The following RUFY3 variants were observed in gnomAD, a reference collection of about 807,000 sequenced individuals.
RUFY3 encodes protein RUFY3.
RUFY3 carries 34 observed loss-of-function variants against 84.0 expected under a neutral mutation model. The ratio of observed to expected loss-of-function variants is 0.40; its 90% CI spans 0.31 to 0.54. The LOEUF (loss-of-function observed/expected upper bound fraction) is 0.54, where lower values mean the gene tolerates loss of function less well. Ranked by LOEUF, RUFY3 falls within the 20% of genes least tolerant of loss-of-function variation. RUFY3 has a pLI of 0.39. For synonymous variants in RUFY3, 242 were observed against 252.9 expected (o/e 0.96, Z 0.41); for missense variants, 507 against 736.8 (o/e 0.69, Z 3.61).
Position 70,708,962 on chromosome 4 carries a change from G to A in RUFY3, c.358+3668G>A, listed in dbSNP as rs1740665681. Among the ~76,000 whole-genome samples, 8 of 152,334 alleles carry A rather than the reference G, an allele frequency of 5.3e-5. No individual in the cohort carries two copies. The South Asian group carries it at 1.7e-3, about 32-fold the overall frequency. On this transcript the variant is annotated intron_variant, in intron 1 of 11. Transcript: ENST00000417478. ...GGTGCCAACTACTCAGGAGTCTGAG[G>A]TGGGAGGATGGCATGAGTCTGGGAA...
At chr4:70,743,056 AT>A (rs1212598859) in intron 1 of RUFY3, among the ~76,000 whole-genome samples, 9 of 151,838 alleles carry the variant, frequency 5.9e-5, no homozygotes, top group Non-Finnish European at 1.2e-4. Flanking sequence ...AGCTGCTATT[AT>A]TATTATTATT....
upstream of RUFY3, chr4:70,704,221 A>C (rs1197072403): frequency 6.6e-6 from 1 of 152,262 alleles, no homozygotes; most frequent in Non-Finnish European, 1.5e-5. Flanking sequence ...GGATTTCAGT[A>C]CAGCGCACAA....
Position 70,806,409 on chromosome 4 carries a change from ATTGT to A in RUFY3, c.1720-103_1720-100del, listed in dbSNP as rs1732852811. ...CCTGGCACATAGTAAACATTCAGTC[ATTGT>A]TTGATTAGGCATTGAGCATTTGCCA... On this transcript the variant is annotated intron_variant, in intron 17 of 17. Transcript: ENST00000381006. 3.2e-6 allele frequency: 4 copies of A among 1,263,246 alleles called. 1 individual carries two copies. In the South Asian group the frequency reaches 5.4e-5, roughly 17 times the overall value. 78.3% of individuals were successfully genotyped at this position (1,263,246 alleles called of 1,614,324 possible).
chr4:70,789,986 G>T, intron 12 of RUFY3: 1 of 715,830 alleles, frequency 1.4e-6, no homozygotes, highest in Non-Finnish European at 1.7e-6. Flanking sequence ...GATGCTAGGG[G>T]ATATAGAGGC....
At chr4:70,720,478 C>G (rs980053094), upstream of RUFY3, among the ~76,000 whole-genome samples, 1 of 152,218 alleles carries the variant, frequency 6.6e-6, no homozygotes, top group East Asian at 1.9e-4. Context: ...GCCACCGCGC[C>G]CAGCCATCCG....
chr4:70,704,938 TG>T lies in RUFY3; in HGVS notation c.4del (p.Ala2?), dbSNP rs1577858387. 4.9e-6 allele frequency: 6 copies of T among 1,221,240 alleles called. No homozygotes were observed. The highest frequency in any genetic ancestry group is 6.1e-6 in the Non-Finnish European group (6 of 982,722). 75.7% of individuals were successfully genotyped at this position (1,221,240 alleles called of 1,614,324 possible). A position where few individuals can be genotyped will look rare whatever the true frequency, so the allele number is the denominator to read the frequency against. ...GCTGCGGCGAAGGAAGGAGTGAGCA[TG>T]GCTGAGACCCCGCCGCCGCCCACCG... On this transcript the variant is annotated frameshift_variant and start_lost, in exon 1 of 12. Transcript: ENST00000417478. LOFTEE classifies it high-confidence loss of function.
rs1290278624 is a variant in RUFY3, at chr4:70,788,839, A to G, written c.1105A>G (p.Met369Val). The G allele has an allele frequency of 1.9e-6, 3 of 1,614,012 alleles. No homozygotes were observed. The highest frequency in any genetic ancestry group is 2.7e-5 in the African/African-American group (2 of 74,934). ...VEKELEMQIS[M>V]RQEMELAMKM... ...GAAAGAACTGGAGATGCAGATCAGC[A>G]TGAGGCAGGAGATGGAATTGGCTAT... Residue 369 changes from methionine (M) to valine (V), a missense_variant, in exon 11 of 18, where the codon ATG becomes GTG. Coordinates refer to ENST00000381006, the MANE Select transcript of RUFY3 (RefSeq NM_001037442.4).
intron 1 of RUFY3, among the ~76,000 whole-genome samples, chr4:70,705,672 G>T (rs976193181): frequency 1.3e-5 from 2 of 152,318 alleles, no homozygotes; most frequent in East Asian, 3.9e-4. Context: ...CGGGTCCCGG[G>T]CTGGGAACCT....
intron 1 of RUFY3, among the ~76,000 whole-genome samples, chr4:70,744,696 C>T (rs1389380360): frequency 6.7e-6 from 1 of 150,154 alleles, no homozygotes; most frequent in Non-Finnish European, 1.5e-5. Flanking sequence ...CTCTTGTTGC[C>T]CAGGCTGGAG....
chr4:70,791,404 C>A, intron 12 of RUFY3: 4 of 1,452,432 alleles, frequency 2.8e-6, no homozygotes, highest in South Asian at 1.6e-5. Context: ...TAAAATGTCA[C>A]CAAAAAGTTG....
chr4:70,771,203 G>A (rs982894051), intron 5 of RUFY3, among the ~76,000 whole-genome samples: 1 of 152,072 alleles, frequency 6.6e-6, no homozygotes, highest in South Asian at 2.1e-4. Context: ...ACATGCTGTT[G>A]GAAAAATGGC....
intron 1 of RUFY3, among the ~76,000 whole-genome samples, chr4:70,716,277 C>G (rs1378382371): frequency 6.6e-6 from 1 of 151,924 alleles, no homozygotes; most frequent in African/African-American, 2.4e-5. Context: ...CCCTGAGTAG[C>G]TGGGATTACA....
chr4:70,744,537 G>C (rs1721860020), intron 1 of RUFY3, among the ~76,000 whole-genome samples: 1 of 152,082 alleles, frequency 6.6e-6, no homozygotes, highest in Non-Finnish European at 1.5e-5. Flanking sequence ...GTTAACACTG[G>C]CTTCTGGCCT....
intron 10 of RUFY3, among the ~76,000 whole-genome samples, chr4:70,787,215 A>ATATATAT (rs1560555160): frequency 3.3e-5 from 4 of 122,412 alleles, no homozygotes; most frequent in African/African-American, 1.3e-4. Context: ...TATATATATA[A>ATATATAT]AAACAAATTG....
chr4:70,734,559 G>C (rs1719976386), intron 1 of RUFY3: 3 of 985,388 alleles, frequency 3.0e-6, no homozygotes, highest in East Asian at 1.1e-4. Context: ...TTGTTGCTCT[G>C]CCCTGAAAAT....
At chr4:70,705,306 AG>A (rs1237877250) in intron 1 of RUFY3, 7 of 1,384,590 alleles carry the variant, frequency 5.1e-6, no homozygotes, top group Admixed American at 6.3e-5. Flanking sequence ...TGAGTGGCGG[AG>A]GGGCATGGGG....
intron 1 of RUFY3, among the ~76,000 whole-genome samples, chr4:70,761,373 G>A (rs1725009768): frequency 6.6e-6 from 1 of 152,182 alleles, no homozygotes; most frequent in Non-Finnish European, 1.5e-5. Flanking sequence ...GAATGGTCAG[G>A]AGGAGTCTGG....
In RUFY3 at chr4:70,769,382, A is replaced by G. The variant is rs562595120; in HGVS notation, c.696+721A>G. Among the ~76,000 whole-genome samples, 9 of 152,336 alleles carry G rather than the reference A, an allele frequency of 5.9e-5. No homozygotes were observed. The South Asian group carries it at 1.7e-3, about 28-fold the overall frequency. ...TGTTTGCATTATACTGTAGTCTATT[A>G]AGTATGTGATAGTGTAAGTGTAAAA... On this transcript the variant is annotated intron_variant, in intron 5 of 17. Coordinates refer to ENST00000381006, the MANE Select transcript of RUFY3 (RefSeq NM_001037442.4).
intron 1 of RUFY3, among the ~76,000 whole-genome samples, chr4:70,735,088 C>A (rs552704971): frequency 6.6e-6 from 1 of 152,186 alleles, no homozygotes; most frequent in Non-Finnish European, 1.5e-5. Flanking sequence ...GAGCTCAGAA[C>A]GGAATTCACG....
Sources: gnomAD v4.1 joint callset for allele counts (sites outside exome capture counted in the v4.1 genomes callset) on GRCh38, gnomAD v4.1.1 for gene constraint, MANE v1.5 for transcripts, NCBI Gene and HGNC (gene_info 2026-07-23, HGNC 2026-07-21) for gene names.